TEX264: variants seen among roughly 807,000 people sequenced by gnomAD.
TEX264 encodes testis-expressed protein 264.
In TEX264, 13 loss-of-function variants were observed where a neutral mutation model predicts 23.4. The observed-to-expected ratio is 0.56, with a 90% CI of 0.36 to 0.88. The LOEUF (loss-of-function observed/expected upper bound fraction) is 0.88. Ranked by LOEUF, TEX264 falls within the 40% of genes least tolerant of loss-of-function variation. The probability of loss-of-function intolerance (pLI) is 0.01; values close to 1 mark genes in which losing one functional copy is unlikely to be tolerated. For synonymous variants in TEX264, 159 were observed against 170.0 expected, an observed-to-expected ratio of 0.94 and a Z score of 0.50; for missense variants, 340 against 406.8, an observed-to-expected ratio of 0.84 and a Z score of 1.41.
At chr3:51,701,342 G>A (rs1176502071) in intron 4 of TEX264, among the ~76,000 whole-genome samples, 1 of 150,482 alleles carries the variant, frequency 6.6e-6, no homozygotes, top group African/African-American at 2.5e-5. Context: ...TTTCTTCTGC[G>A]GCAAGGTCTG....
In TEX264 at chr3:51,673,688, G is replaced by A. The variant is rs577726545; in HGVS notation, c.-34-583G>A. On this transcript the variant is annotated intron_variant, in intron 1 of 4. Coordinates refer to ENST00000341333, the MANE Select transcript of TEX264 (RefSeq NM_015926.6). ...ATAGCAAGGTCCCTGCAGGCCAGAT[G>A]TACTTAGAAAAGGAGAGTTTCTTAT... Among the ~76,000 whole-genome samples the A allele has an allele frequency of 4.6e-5, 7 of 152,342 alleles. No individual in the cohort carries two copies. The East Asian group carries it at 1.2e-3, about 25-fold the overall frequency.
intron 2 of TEX264, among the ~76,000 whole-genome samples, chr3:51,676,049 A>T (rs1017549780): frequency 6.6e-6 from 1 of 152,196 alleles, no homozygotes; most frequent in Non-Finnish European, 1.5e-5. Context: ...TTGCAGTCAC[A>T]TGGCCAGGAG....
intron 1 of TEX264, 141 bp from the exon 2 acceptor site, chr3:51,674,129 TA>T: frequency 1.3e-6 from 1 of 758,336 alleles, no homozygotes; most frequent in Non-Finnish European, 2.1e-6. Context: ...ACTCTGTGTG[TA>T]AACACCTCTG....
At chr3:51,680,472 C>T (rs1014439181) in intron 2 of TEX264, among the ~76,000 whole-genome samples, 1 of 152,228 alleles carries the variant, frequency 6.6e-6, no homozygotes, top group Non-Finnish European at 1.5e-5. Context: ...AAGCAGACTG[C>T]CCTCTCCTCC....
At chr3:51,677,684 C>T (rs751884403) in intron 2 of TEX264, among the ~76,000 whole-genome samples, 4 of 152,318 alleles carry the variant, frequency 2.6e-5, no homozygotes, top group Middle Eastern at 3.4e-3. Flanking sequence ...CCCACCTAGG[C>T]TGGGTGTGGA....
At chr3:51,695,840 G>A (rs1412384276) in intron 3 of TEX264, among the ~76,000 whole-genome samples, 1 of 152,194 alleles carries the variant, frequency 6.6e-6, no homozygotes, top group Non-Finnish European at 1.5e-5. Context: ...TGTTGGTGCA[G>A]GGTGGGGTGG....
At chr3:51,674,186 G>A in intron 1 of TEX264, 85 bp from the exon 2 acceptor site, 1 of 1,467,766 alleles carries the variant, frequency 6.8e-7, no homozygotes, top group South Asian at 1.3e-5. Context: ...GGTCTGAGGA[G>A]GTTGGGCCAG....
At chr3:51,682,309 C>T (rs1577502436) in intron 2 of TEX264, 1 of 152,184 alleles carries the variant, frequency 6.6e-6, no homozygotes. Context: ...CAGTGATCTC[C>T]TGTGCCTCTG....
chr3:51,694,022 CCTT>C (rs1702934987), intron 3 of TEX264, among the ~76,000 whole-genome samples: 1 of 143,144 alleles, frequency 7.0e-6, no homozygotes, highest in African/African-American at 2.6e-5. Context: ...TTCCTTCCTT[CCTT>C]CCTTCCTTCC....
At position 51,704,267 on chromosome 3, in the gene TEX264, C is replaced by T; in HGVS notation, c.*251C>T. On this transcript the variant is annotated 3_prime_UTR_variant, in exon 5 of 5. Transcript: ENST00000341333. Reference sequence around the variant, plus strand: ...CCCTGTTGTGTCTTTTTTTCAGACTCACAGTGGAGCTTCCAGGACCCAGAA... The same window carrying T: ...CCCTGTTGTGTCTTTTTTTCAGACTTACAGTGGAGCTTCCAGGACCCAGAA... 1 of 366,180 alleles carries T rather than the reference C, an allele frequency of 2.7e-6. No individual in the cohort carries two copies. The highest frequency in any genetic ancestry group is 4.0e-5 in the East Asian group (1 of 25,016). 22.7% of individuals were successfully genotyped at this position (366,180 alleles called of 1,614,324 possible).
At chr3:51,696,615 C>T (rs1189926246) in intron 3 of TEX264, among the ~76,000 whole-genome samples, 1 of 152,172 alleles carries the variant, frequency 6.6e-6, no homozygotes, top group East Asian at 1.9e-4. Flanking sequence ...CCATCCCCAG[C>T]CCCCACTAGA....
chr3:51,675,860 T>A (rs1702209371), intron 2 of TEX264, among the ~76,000 whole-genome samples: 1 of 152,194 alleles, frequency 6.6e-6, no homozygotes, highest in Non-Finnish European at 1.5e-5. Flanking sequence ...TGGAAGGGTT[T>A]GCCCAGCCAG....
At chr3:51,678,159 T>C (rs1486385181) in intron 2 of TEX264, among the ~76,000 whole-genome samples, 1 of 152,220 alleles carries the variant, frequency 6.6e-6, no homozygotes, top group Admixed American at 6.5e-5. Flanking sequence ...TGCTCTGCCT[T>C]TAGCCCTGCT....
At chr3:51,673,284 T>C (rs1283004913) in intron 1 of TEX264, among the ~76,000 whole-genome samples, 1 of 150,424 alleles carries the variant, frequency 6.6e-6, no homozygotes, top group Non-Finnish European at 1.5e-5. Context: ...TGGGCTGTGA[T>C]TTTTCCCCCC....
rs940509803 is a variant in TEX264, at chr3:51,691,623, C to T, written c.480+6989C>T. ...TGGTGGCAGTCATGGCTTGTGTATC[C>T]AGTGAGGCTGGAGTACAGGAGAGGA... On this transcript the variant is annotated intron_variant, in intron 3 of 4. Coordinates refer to ENST00000341333, the MANE Select transcript of TEX264 (RefSeq NM_015926.6). The surrounding 1 kb of genome is among the most constrained non-coding windows in gnomAD (Gnocchi z 4.4). Among the ~76,000 whole-genome samples the T allele has an allele frequency of 6.6e-6, 1 of 152,238 alleles. No homozygotes were observed. The highest frequency in any genetic ancestry group is 2.1e-4 in the South Asian group (1 of 4,826).
chr3:51,700,960 G>A (rs1323956805), intron 4 of TEX264, among the ~76,000 whole-genome samples: 2 of 152,214 alleles, frequency 1.3e-5, no homozygotes, highest in South Asian at 2.1e-4. Context: ...CATGCAGGAT[G>A]TCTGACTGCC....
chr3:51,693,985 TCTTTCCTTC>T, intron 3 of TEX264, among the ~76,000 whole-genome samples: 1 of 146,196 alleles, frequency 6.8e-6, no homozygotes, highest in South Asian at 2.2e-4. Context: ...CTAATCCCTT[TCTTTCCTTC>T]CTTCCTTCCT....
chr3:51,679,484 G>A (rs909681826), intron 2 of TEX264, among the ~76,000 whole-genome samples: 2 of 152,176 alleles, frequency 1.3e-5, no homozygotes, highest in Admixed American at 6.5e-5. Context: ...GCCAATTTCC[G>A]GGACTCCTGG....
intron 3 of TEX264, among the ~76,000 whole-genome samples, chr3:51,698,205 C>A (rs762389686): frequency 6.6e-6 from 1 of 151,648 alleles, no homozygotes. Flanking sequence ...CCCTTCTTTG[C>A]TAGCTTGCTT....
Sources: gnomAD v4.1 joint callset for allele counts (sites outside exome capture counted in the v4.1 genomes callset) on GRCh38, gnomAD v4.1.1 for gene constraint, Gnocchi (gnomAD v3.1) non-coding constraint, MANE v1.5 for transcripts, NCBI Gene and HGNC (gene_info 2026-07-23, HGNC 2026-07-21) for gene names.